The following ARL10 variants were observed in gnomAD, a reference collection of about 807,000 sequenced individuals.
The protein encoded by ARL10 is ADP-ribosylation factor-like protein 10.
In ARL10, 23 loss-of-function variants were observed where a neutral mutation model predicts 26.1. That is an observed-to-expected ratio of 0.88 (90% confidence interval 0.63 to 1.25). The LOEUF (loss-of-function observed/expected upper bound fraction) is 1.25, where lower values mean the gene tolerates loss of function less well. ARL10 is among the 50% of genes most tolerant of loss of function. The probability of loss-of-function intolerance (pLI) is 0.00; values close to 1 mark genes in which losing one functional copy is unlikely to be tolerated. For synonymous variants in ARL10, 138 were observed against 149.1 expected (o/e 0.93, Z 0.54); for missense variants, 300 against 323.6 (o/e 0.93, Z 0.56).
chr5:176,403,291 C>T (rs1290177039), downstream of ARL10, among the ~76,000 whole-genome samples: 2 of 152,058 alleles, frequency 1.3e-5, no homozygotes, highest in African/African-American at 4.8e-5. Context: ...CTCAGGTGAT[C>T]CACCCACCTC....
chr5:176,367,934 C>G lies in ARL10; in HGVS notation c.386-873C>G, dbSNP rs765305528. The G allele has an allele frequency of 1.5e-5, 8 of 531,636 alleles. No homozygotes were observed. In the African/African-American group the frequency reaches 1.5e-4, roughly 10 times the overall value. 32.9% of individuals were successfully genotyped at this position (531,636 alleles called of 1,614,324 possible). A position where few individuals can be genotyped will look rare whatever the true frequency, so the allele number is the denominator to read the frequency against. ...GGGCCCCTGCTTGCCTTGCTCACCT[C>G]TGTATCTGCAGCACCCAGATCAGTG... On this transcript the variant is annotated intron_variant, in intron 2 of 3. Coordinates refer to ENST00000310389, the MANE Select transcript of ARL10 (RefSeq NM_173664.6).
At chr5:176,410,687 C>T in the ARL10 span, among the ~76,000 whole-genome samples, 1 of 151,572 alleles carries the variant, frequency 6.6e-6, no homozygotes, top group East Asian at 1.9e-4. Flanking sequence ...GAAGCCTGTG[C>T]CTGGTGAGTA....
chr5:176,397,346 CCCCTCTCATGTCCCCACAGCT>C (rs1561792358), intron 1 of ARL10, among the ~76,000 whole-genome samples: 62 of 145,058 alleles, frequency 4.3e-4, no homozygotes, highest in African/African-American at 1.3e-3. Context: ...GTCCCCACAG[CCCCTCTCATGTCCCCACAGCT>C]CCCTCTCATG....
rs557598001 is a variant in ARL10, at chr5:176,373,110, G to A, written c.*1215G>A. 2.5e-6 allele frequency: 1 copy of A among 398,530 alleles called. No individual in the cohort carries two copies. The highest frequency in any genetic ancestry group is 1.3e-4 in the South Asian group (1 of 7,814). The allele number at this position is 398,530 out of a possible 1,614,324, so 24.7% of individuals were successfully genotyped here. A position where few individuals can be genotyped will look rare whatever the true frequency, so the allele number is the denominator to read the frequency against. ...TAGATAAGAAATGACTCTGGGAGAG[G>A]ATTTCCCTTATGTGAATCTAGGTAA... On this transcript the variant is annotated 3_prime_UTR_variant, in exon 4 of 4. Coordinates refer to ENST00000310389, the MANE Select transcript of ARL10 (RefSeq NM_173664.6).
intron 1 of ARL10, among the ~76,000 whole-genome samples, chr5:176,394,594 G>A (rs1194495267): frequency 6.8e-6 from 1 of 148,074 alleles, no homozygotes; most frequent in Non-Finnish European, 1.5e-5. Flanking sequence ...AAGGTGGGCG[G>A]ATCACGAGGT....
chr5:176,386,946 TTGA>T, intron 1 of ARL10: 1 of 1,576,972 alleles, frequency 6.3e-7, no homozygotes, highest in Non-Finnish European at 8.7e-7. Context: ...AGAAGGATCT[TTGA>T]TGAGGGAAAG....
chr5:176,382,446 G>A (rs1755575942), downstream of ARL10, among the ~76,000 whole-genome samples: 1 of 152,176 alleles, frequency 6.6e-6, no homozygotes, highest in Non-Finnish European at 1.5e-5. Context: ...GGGAGTGGGT[G>A]GCAGCGAGCA....
downstream of ARL10, chr5:176,389,722 TCCCCTGCTTA>T (rs1272177916): frequency 2.2e-6 from 1 of 459,330 alleles, no homozygotes; most frequent in Non-Finnish European, 3.8e-6. Flanking sequence ...TCCCCTCCAC[TCCCCTGCTTA>T]ATAAACTCTA....
At chr5:176,401,705 C>T (rs1485616906) in intron 1 of ARL10, 1 of 456,236 alleles carries the variant, frequency 2.2e-6, no homozygotes, top group South Asian at 1.5e-5. Context: ...AGCATTTTCA[C>T]AAAACCTCCT....
chr5:176,368,869 G>A lies in ARL10; in HGVS notation c.448G>A (p.Val150Met), dbSNP rs771725564. The change falls in exon 3 of 4, where the codon GTG becomes ATG. Residue 150 changes from valine (V) to methionine (M), a missense_variant. Transcript: ENST00000310389. This position sits in a 1 kb window ranked among gnomAD's most constrained non-coding sequence, Gnocchi z 4.1. ...KEFVSEVDVL[V>M]FVVDSADRLR... The stretch of plus-strand genomic sequence containing the variant: ...GTTTGTGAGCGAGGTGGATGTGCTG[G>A]TGTTTGTGGTGGACTCGGCTGACCG... 34 of 1,614,084 alleles carry A rather than the reference G, an allele frequency of 2.1e-5. No homozygotes were observed. The highest frequency in any genetic ancestry group is 2.5e-5 in the Non-Finnish European group (30 of 1,180,038).
chr5:176,387,998 T>C (rs1561784391), intron 1 of ARL10, among the ~76,000 whole-genome samples: 1 of 152,198 alleles, frequency 6.6e-6, no homozygotes, highest in Non-Finnish European at 1.5e-5. Context: ...AATGGGTTAA[T>C]TTCAGAGAAA....
downstream of ARL10, chr5:176,388,795 T>C: frequency 1.2e-6 from 2 of 1,605,978 alleles, no homozygotes; most frequent in Non-Finnish European, 1.7e-6. Flanking sequence ...GAGTCCCGAT[T>C]TTCTCCTGCT....
downstream of ARL10, chr5:176,384,466 T>A: frequency 7.8e-7 from 1 of 1,286,856 alleles, no homozygotes; most frequent in South Asian, 1.4e-5. Context: ...TTGCTATCTA[T>A]CCCTGAGGTC....
chr5:176,414,574 C>A, the ARL10 span, among the ~76,000 whole-genome samples: 1 of 152,010 alleles, frequency 6.6e-6, no homozygotes. Context: ...GCAGCTGGAA[C>A]TACAACTACA....
rs1266623999 is a variant in ARL10 at position 176,380,432 on chromosome 5, C to T, written c.*8537C>T. The T allele has an allele frequency of 4.8e-5, 7 of 147,190 alleles. No individual in the cohort carries two copies. The highest frequency in any genetic ancestry group is 1.0e-4 in the Non-Finnish European group (7 of 67,022). The allele number at this position is 147,190 out of a possible 1,614,324, so 9.1% of individuals were successfully genotyped here. A position where few individuals can be genotyped will look rare whatever the true frequency, so the allele number is the denominator to read the frequency against. Reference sequence around the variant, plus strand: ...CTAAGTTGTTCCTAGTAAGGTTAACCTGTTTTTCTAAAAACAAGTTCTGGG... The same window carrying T: ...CTAAGTTGTTCCTAGTAAGGTTAACTTGTTTTTCTAAAAACAAGTTCTGGG... On this transcript the variant is annotated 3_prime_UTR_variant, in exon 4 of 4. Coordinates refer to ENST00000310389, the MANE Select transcript of ARL10 (RefSeq NM_173664.6).
intron 1 of ARL10, among the ~76,000 whole-genome samples, chr5:176,395,706 G>T (rs1756489164): frequency 6.6e-6 from 1 of 152,230 alleles, no homozygotes; most frequent in South Asian, 2.1e-4. Flanking sequence ...GAGGGGGCCT[G>T]TGGTGGTCTG....
chr5:176,412,932 G>T, the ARL10 span, among the ~76,000 whole-genome samples: 3 of 152,022 alleles, frequency 2.0e-5, no homozygotes, highest in Admixed American at 6.6e-5. Context: ...TGTACATTTG[G>T]CCTTCTCGAG....
intron 2 of ARL10, chr5:176,367,923 C>T (rs530494348): frequency 1.9e-6 from 1 of 531,562 alleles, no homozygotes; most frequent in East Asian, 5.5e-5. Flanking sequence ...CCCTGCTTGC[C>T]TTGCTCACCT....
chr5:176,412,004 G>A, the ARL10 span, among the ~76,000 whole-genome samples: 227 of 151,810 alleles, frequency 1.5e-3, no homozygotes, highest in African/African-American at 4.9e-3. Context: ...GTGAAACCCC[G>A]TCTCTACTAA....
Sources: allele counts gnomAD v4.1 joint callset (sites outside exome capture counted in the v4.1 genomes callset), GRCh38; gene constraint gnomAD v4.1.1; non-coding constraint Gnocchi (gnomAD v3.1); transcripts MANE v1.5; gene names NCBI Gene and HGNC (gene_info 2026-07-23, HGNC 2026-07-21).